The following ZNF385B variants were observed in gnomAD, a reference collection of about 807,000 sequenced individuals.
ZNF385B encodes zinc finger protein 533.
ZNF385B carries 23 observed loss-of-function variants against 39.2 expected under a neutral mutation model. The observed-to-expected ratio is 0.59, with a 90% CI of 0.42 to 0.83. The LOEUF (loss-of-function observed/expected upper bound fraction) is 0.83. ZNF385B is among the 40% of genes least tolerant of loss of function. ZNF385B has a pLI of 0.00. For missense variants in ZNF385B, 552 were observed against 598.9 expected, an observed-to-expected ratio of 0.92 and a Z score of 0.82; for synonymous variants, 205 against 222.6, an observed-to-expected ratio of 0.92 and a Z score of 0.70.
intron 3 of ZNF385B, among the ~76,000 whole-genome samples, chr2:179,767,190 T>C (rs1348972261): frequency 6.6e-6 from 1 of 152,202 alleles, no homozygotes; most frequent in Non-Finnish European, 1.5e-5. Flanking sequence ...TCTCAATGCC[T>C]AAGGGACAAT....
intron 3 of ZNF385B, among the ~76,000 whole-genome samples, chr2:179,673,776 T>C (rs1696372961): frequency 6.6e-6 from 1 of 151,838 alleles, no homozygotes; most frequent in Non-Finnish European, 1.5e-5. Context: ...CTAAAGACAA[T>C]ACTCATATTC....
chr2:179,772,894 T>C (rs1045043019), intron 1 of ZNF385B, among the ~76,000 whole-genome samples: 2 of 152,200 alleles, frequency 1.3e-5, no homozygotes, highest in East Asian at 1.9e-4. Context: ...AAAAACTCTA[T>C]GCTTTTTTTT....
rs547013399 is a variant in ZNF385B, at chr2:179,504,828, C to A, written c.552+13700G>T. On this transcript the variant is annotated intron_variant, in intron 5 of 9. Transcript: ENST00000410066. ...TATAATTTAAAGAAAAAAAAAAAAA[C>A]CAGATCTCAGGAGAACTCACTCAGT... Among the ~76,000 whole-genome samples, 1,093 of 150,030 alleles carry A rather than the reference C, an allele frequency of 7.3e-3. 4 individuals are homozygous for A. The highest frequency in any genetic ancestry group is 0.011 in the Non-Finnish European group (757 of 67,574).
intron 3 of ZNF385B, among the ~76,000 whole-genome samples, chr2:179,748,331 C>T (rs1199146550): frequency 6.6e-6 from 1 of 152,068 alleles, no homozygotes; most frequent in Admixed American, 6.6e-5. Flanking sequence ...AAACTCTATA[C>T]CCACTAGTGT....
chr2:179,841,823 A>T (rs113975744), intron 1 of ZNF385B, among the ~76,000 whole-genome samples: 4 of 152,360 alleles, frequency 2.6e-5, no homozygotes, highest in African/African-American at 9.6e-5. Context: ...CCAGGGCAAC[A>T]TACTTGGATG....
At chr2:179,679,807 A>T (rs17771279) in intron 3 of ZNF385B, among the ~76,000 whole-genome samples, 41,099 of 151,894 alleles carry the variant, frequency 0.27, 5,697 homozygotes, top group African/African-American at 0.32. Context: ...AAATTCTGAG[A>T]CTTAACAGTT....
intron 3 of ZNF385B, among the ~76,000 whole-genome samples, chr2:179,631,010 G>C (rs1266876296): frequency 1.3e-5 from 2 of 152,132 alleles, no homozygotes; most frequent in Admixed American, 1.3e-4. Flanking sequence ...CCAAGAAACA[G>C]GGGGCTATGT....
At chr2:179,732,819 AGCTCAGT>A (rs1701481630) in intron 3 of ZNF385B, among the ~76,000 whole-genome samples, 1 of 152,172 alleles carries the variant, frequency 6.6e-6, no homozygotes, top group African/African-American at 2.4e-5. Flanking sequence ...CAACACGGTG[AGCTCAGT>A]GCAGCATTGA....
At chr2:179,701,760 G>T (rs373834840) in intron 3 of ZNF385B, among the ~76,000 whole-genome samples, 3 of 152,156 alleles carry the variant, frequency 2.0e-5, no homozygotes. Context: ...GGGTACCTTG[G>T]ACATTTCAAT....
At chr2:179,659,346 A>G (rs575892478) in intron 3 of ZNF385B, among the ~76,000 whole-genome samples, 1 of 152,264 alleles carries the variant, frequency 6.6e-6, no homozygotes, top group South Asian at 2.1e-4. Flanking sequence ...TACAATATTA[A>G]CTTGATAGTA....
chr2:179,508,043 C>T (rs775850962), intron 5 of ZNF385B, among the ~76,000 whole-genome samples: 3 of 152,244 alleles, frequency 2.0e-5, no homozygotes, highest in East Asian at 1.9e-4. Context: ...ATGTTCTAAA[C>T]GGTATTAAAT....
chr2:179,543,302 G>T (rs1445979951), intron 4 of ZNF385B, among the ~76,000 whole-genome samples: 2 of 152,026 alleles, frequency 1.3e-5, no homozygotes, highest in East Asian at 1.9e-4. Context: ...AAAAGTAAAA[G>T]AAAATAAAAT....
intron 3 of ZNF385B, among the ~76,000 whole-genome samples, chr2:179,629,914 T>G (rs573004156): frequency 2.3e-3 from 347 of 152,350 alleles, no homozygotes; most frequent in Middle Eastern, 0.017. Context: ...TGTTCACTGC[T>G]AGCACAGCAG....
chr2:179,464,653 G>A (rs552663888), intron 6 of ZNF385B, among the ~76,000 whole-genome samples: 1 of 152,294 alleles, frequency 6.6e-6, no homozygotes, highest in African/African-American at 2.4e-5. Flanking sequence ...AGATCAGATA[G>A]TTGTAGATGT....
chr2:179,448,183 A>C (rs893819867), intron 6 of ZNF385B, among the ~76,000 whole-genome samples: 1 of 152,106 alleles, frequency 6.6e-6, no homozygotes, highest in African/African-American at 2.4e-5. Context: ...AAGCTCTTAG[A>C]CTTTTATTAA....
intron 1 of ZNF385B, among the ~76,000 whole-genome samples, chr2:179,860,072 G>A (rs1380696250): frequency 2.0e-5 from 3 of 152,134 alleles, no homozygotes; most frequent in Admixed American, 6.5e-5. Flanking sequence ...TAACAGAAAT[G>A]TTTTGTTCCT....
chr2:179,594,500 A>G (rs1421598236), intron 3 of ZNF385B, among the ~76,000 whole-genome samples: 1 of 152,190 alleles, frequency 6.6e-6, no homozygotes, highest in Non-Finnish European at 1.5e-5. Context: ...GACTACCTAT[A>G]TCTAAGCCCC....
intron 1 of ZNF385B, among the ~76,000 whole-genome samples, chr2:179,817,699 A>G: frequency 6.7e-6 from 1 of 148,774 alleles, no homozygotes. Context: ...GTCAATCTGA[A>G]TGGGTCTATG....
intron 5 of ZNF385B, among the ~76,000 whole-genome samples, chr2:179,495,317 G>A (rs2056083791): frequency 6.6e-6 from 1 of 152,190 alleles, no homozygotes; most frequent in South Asian, 2.1e-4. Context: ...TTTGTGGTTT[G>A]TGTGCCAGCT....
Sources: allele counts gnomAD v4.1 joint callset (sites outside exome capture counted in the v4.1 genomes callset), GRCh38; gene constraint gnomAD v4.1.1; transcripts MANE v1.5; gene names NCBI Gene and HGNC (gene_info 2026-07-23, HGNC 2026-07-21).